CBLN2: variants seen among roughly 807,000 people sequenced by gnomAD.
CBLN2 encodes the protein cerebellin-2.
Under a neutral mutation model 15.0 loss-of-function variants are expected in CBLN2, and 7 were observed. The ratio of observed to expected loss-of-function variants is 0.47; its 90% CI spans 0.27 to 0.88. The LOEUF is 0.88. Ranked by LOEUF, CBLN2 falls within the 40% of genes least tolerant of loss-of-function variation. The probability of loss-of-function intolerance (pLI) is 0.14; values close to 1 mark genes in which losing one functional copy is unlikely to be tolerated. For synonymous variants in CBLN2, 149 were observed against 135.2 expected (o/e 1.10, Z -0.71); for missense variants, 242 against 304.5 (o/e 0.79, Z 1.53).
rs1169851043 is a variant in CBLN2 at position 72,625,698 on chromosome 18, C to CTATATATATATATATA, written c.15+12611_15+12626dup. Among the ~76,000 whole-genome samples, 3 of 46,596 alleles carry CTATATATATATATATA rather than the reference C, an allele frequency of 6.4e-5. No individual in the cohort carries two copies. In the South Asian group the frequency reaches 3.2e-3, roughly 50 times the overall value. 30.6% of individuals were successfully genotyped at this position (46,596 alleles called of 152,430 possible). ...TATAGTATTATTATATATAGTATTA[C>CTATATATATATATATA]TATATATATATATATATATATATAT... On this transcript the variant is annotated intron_variant, in intron 1 of 2. Coordinates refer to the CBLN2 transcript ENST00000581073.
intron 1 of CBLN2, among the ~76,000 whole-genome samples, chr18:72,562,036 G>A (rs1288292971): frequency 6.6e-6 from 1 of 152,162 alleles, no homozygotes; most frequent in African/African-American, 2.4e-5. Context: ...CTAACTCACA[G>A]AACAGTACCT....
At chr18:72,550,972 T>C (rs1444960634) in intron 1 of CBLN2, among the ~76,000 whole-genome samples, 1 of 152,140 alleles carries the variant, frequency 6.6e-6, no homozygotes, top group Non-Finnish European at 1.5e-5. Flanking sequence ...TTGTGTCCTG[T>C]ATGCCGATGG....
intron 1 of CBLN2, among the ~76,000 whole-genome samples, chr18:72,608,726 A>G (rs2069601133): frequency 6.6e-6 from 1 of 152,138 alleles, no homozygotes. Flanking sequence ...GTTGGGGCTG[A>G]GGGGCAGTAT....
chr18:72,542,213 G>C lies in CBLN2; in HGVS notation c.-53C>G, dbSNP rs953177564. The C allele has an allele frequency of 5.3e-6, 6 of 1,123,944 alleles. No homozygotes were observed. The highest frequency in any genetic ancestry group is 8.9e-5 in the South Asian group (2 of 22,488). The allele number at this position is 1,123,944 out of a possible 1,614,324, so 69.6% of individuals were successfully genotyped here. A position where few individuals can be genotyped will look rare whatever the true frequency, so the allele number is the denominator to read the frequency against. On this transcript the variant is annotated 5_prime_UTR_variant, in exon 3 of 5. Coordinates refer to ENST00000269503, the MANE Select transcript of CBLN2 (RefSeq NM_182511.4). ...GGTGGAGGCCGGCGCCGGCGCGAGC[G>C]GCGCGGAAGGGCGCGAAGGAACGCG...
chr18:72,618,226 G>A, intron 1 of CBLN2: 2 of 244,866 alleles, frequency 8.2e-6, no homozygotes, highest in South Asian at 8.2e-5. Context: ...CATGGACGCT[G>A]CCAAGGAAGC....
intron 1 of CBLN2, among the ~76,000 whole-genome samples, chr18:72,556,957 A>G (rs957952067): frequency 6.6e-6 from 1 of 152,066 alleles, no homozygotes; most frequent in African/African-American, 2.4e-5. Flanking sequence ...CCTCATAAAA[A>G]CTGAAAATGT....
At chr18:72,627,616 G>A (rs1358338906) in intron 1 of CBLN2, among the ~76,000 whole-genome samples, 2 of 152,196 alleles carry the variant, frequency 1.3e-5, no homozygotes, top group Non-Finnish European at 1.5e-5. Flanking sequence ...AGGCCGAGGG[G>A]CAGATACTTT....
At chr18:72,574,102 T>C (rs634985) in intron 1 of CBLN2, among the ~76,000 whole-genome samples, 115,532 of 152,160 alleles carry the variant, frequency 0.76, 47,806 homozygotes, top group Non-Finnish European at 0.91. Flanking sequence ...GGTGTCTGTT[T>C]AGGTTTTTTG....
At chr18:72,565,017 G>T (rs376557983) in intron 1 of CBLN2, among the ~76,000 whole-genome samples, 1 of 152,104 alleles carries the variant, frequency 6.6e-6, no homozygotes, top group Non-Finnish European at 1.5e-5. Context: ...AAAATCTGTC[G>T]GCCAAGAATA....
chr18:72,634,702 G>T lies in CBLN2; in HGVS notation c.15+3623C>A, dbSNP rs763976092. 4.6e-5 allele frequency among the ~76,000 whole-genome samples: 7 copies of T among 152,108 alleles called. No homozygotes were observed. The South Asian group carries it at 6.2e-4, about 13-fold the overall frequency. On this transcript the variant is annotated intron_variant, in intron 1 of 2. Coordinates refer to the CBLN2 transcript ENST00000581073. ...CAGCCACAGTGGCCTCCTGTGGCCA[G>T]GAGATATTTCTACAAAGTAATAATC...
Position 72,537,481 on chromosome 18 carries a change from T to C in CBLN2, c.*695A>G, listed in dbSNP as rs1226034602. 1 of 152,520 alleles carries C rather than the reference T, an allele frequency of 6.6e-6. No homozygotes were observed. 9.4% of individuals were successfully genotyped at this position (152,520 alleles called of 1,614,324 possible). On this transcript the variant is annotated 3_prime_UTR_variant, in exon 5 of 5. Transcript: ENST00000269503. Reference sequence around the variant, plus strand: ...TCAACCCCAGCAAGAAAAATAAAAGTGGGGTTGAGGAGGGAGAGCTGAGTG... The same window carrying C: ...TCAACCCCAGCAAGAAAAATAAAAGCGGGGTTGAGGAGGGAGAGCTGAGTG...
chr18:72,616,484 T>C (rs187131334), intron 1 of CBLN2, among the ~76,000 whole-genome samples: 32 of 152,306 alleles, frequency 2.1e-4, no homozygotes, highest in African/African-American at 7.5e-4. Context: ...TGGAACAGAA[T>C]GAGGGAACAC....
intron 1 of CBLN2, among the ~76,000 whole-genome samples, chr18:72,636,991 T>C (rs1247552281): frequency 6.6e-6 from 1 of 151,326 alleles, no homozygotes; most frequent in Admixed American, 6.6e-5. Flanking sequence ...GTTTATCCCA[T>C]TTAGGCAAGT....
At chr18:72,616,881 A>G (rs2069666241) in intron 1 of CBLN2, among the ~76,000 whole-genome samples, 1 of 152,136 alleles carries the variant, frequency 6.6e-6, no homozygotes, top group Admixed American at 6.6e-5. Context: ...TATATTTCTA[A>G]AATTCAGAAA....
In CBLN2 at chr18:72,606,662, C is replaced by G. The variant is rs77043355; in HGVS notation, c.15+31663G>C. ...ACTTCTTTATTGAGCATAGAAGAGGCTTAGCTGCTTAAGAAACAGGGCACA... is the reference window on the plus strand; with the variant it reads ...ACTTCTTTATTGAGCATAGAAGAGGGTTAGCTGCTTAAGAAACAGGGCACA... On this transcript the variant is annotated intron_variant, in intron 1 of 2. Transcript: ENST00000581073. Among the ~76,000 whole-genome samples the G allele has an allele frequency of 9.4e-3, 1,424 of 152,260 alleles. 25 individuals are homozygous for G. Among genetic ancestry groups the G allele is most frequent in the African/African-American group, 0.032 (1,341 of 41,546 alleles).
chr18:72,599,346 T>C lies in CBLN2; in HGVS notation c.15+38979A>G, dbSNP rs190893937. On this transcript the variant is annotated intron_variant, in intron 1 of 2. Transcript: ENST00000581073. ...ATGGAGTTAAAACTTTTCAACAGAA[T>C]AATTCGTGGGTGGTAATACAAAAAT... Among the ~76,000 whole-genome samples the C allele has an allele frequency of 2.3e-3, 352 of 152,316 alleles. 1 individual carries two copies. Among genetic ancestry groups the C allele is most frequent in the Non-Finnish European group, 3.9e-3 (262 of 68,016 alleles).
chr18:72,604,599 G>A (rs1273986489), intron 1 of CBLN2, among the ~76,000 whole-genome samples: 1 of 152,192 alleles, frequency 6.6e-6, no homozygotes, highest in African/African-American at 2.4e-5. Flanking sequence ...GCCTTTTAGA[G>A]ATGATTGAAT....
At chr18:72,590,988 A>C (rs2069476474) in intron 1 of CBLN2, among the ~76,000 whole-genome samples, 1 of 152,256 alleles carries the variant, frequency 6.6e-6, no homozygotes, top group Non-Finnish European at 1.5e-5. Context: ...GCATTGCCGA[A>C]GATAAAGGGC....
chr18:72,615,151 T>A (rs9954139), intron 1 of CBLN2, among the ~76,000 whole-genome samples: 3 of 131,490 alleles, frequency 2.3e-5, no homozygotes, highest in Admixed American at 8.3e-5. Context: ...TAAATATAAA[T>A]ATAGAAAATA....
Sources: allele counts gnomAD v4.1 joint callset (sites outside exome capture counted in the v4.1 genomes callset), GRCh38; gene constraint gnomAD v4.1.1; transcripts MANE v1.5; gene names NCBI Gene and HGNC (gene_info 2026-07-23, HGNC 2026-07-21).